The following CDKAL1 variants were observed in gnomAD, a reference collection of about 807,000 sequenced individuals.
The protein encoded by CDKAL1 is threonylcarbamoyladenosine tRNA methylthiotransferase.
A neutral mutation model predicts 68.2 loss-of-function variants in CDKAL1; 32 were observed. The ratio of observed to expected loss-of-function variants is 0.47; its 90% CI spans 0.35 to 0.63. CDKAL1 has a LOEUF of 0.63. Ranked by LOEUF, CDKAL1 falls within the 30% of genes least tolerant of loss-of-function variation. The pLI, the probability that CDKAL1 is intolerant of heterozygous loss-of-function variation, is 0.00. For missense variants in CDKAL1, 606 were observed against 696.7 expected (o/e 0.87, Z 1.47); for synonymous variants, 234 against 244.3 (o/e 0.96, Z 0.39).
chr6:20,839,373 A>G (rs1778084916), intron 8 of CDKAL1, among the ~76,000 whole-genome samples: 1 of 152,208 alleles, frequency 6.6e-6, no homozygotes, highest in African/African-American at 2.4e-5. Context: ...ATAGTACAAG[A>G]TAGTTTAACT....
intron 9 of CDKAL1, among the ~76,000 whole-genome samples, chr6:20,872,301 T>C (rs1348906828): frequency 6.6e-6 from 1 of 152,216 alleles, no homozygotes; most frequent in Non-Finnish European, 1.5e-5. Flanking sequence ...TTCCTGATTA[T>C]CTCTTTTAAA....
At chr6:21,066,065 A>G (rs966783446) in intron 12 of CDKAL1, among the ~76,000 whole-genome samples, 1 of 151,858 alleles carries the variant, frequency 6.6e-6, no homozygotes, top group Non-Finnish European at 1.5e-5. Flanking sequence ...AAATGTTTTT[A>G]TGAATAAATA....
intron 9 of CDKAL1, among the ~76,000 whole-genome samples, chr6:20,940,898 G>A (rs1763939255): frequency 6.6e-6 from 1 of 152,048 alleles, no homozygotes; most frequent in South Asian, 2.1e-4. Flanking sequence ...AGACCATCCT[G>A]GCTAACACAG....
chr6:20,850,186 A>C (rs1209677866), intron 9 of CDKAL1, among the ~76,000 whole-genome samples: 1 of 152,146 alleles, frequency 6.6e-6, no homozygotes, highest in Non-Finnish European at 1.5e-5. Context: ...GTTACTCTAT[A>C]ATGAAAAACC....
At chr6:21,141,559 C>T (rs1775910262) in intron 13 of CDKAL1, among the ~76,000 whole-genome samples, 1 of 152,200 alleles carries the variant, frequency 6.6e-6, no homozygotes, top group East Asian at 1.9e-4. Context: ...TGACTCAATC[C>T]ATGACATTGT....
chr6:20,819,969 G>A (rs1469900519), intron 8 of CDKAL1, among the ~76,000 whole-genome samples: 4 of 152,158 alleles, frequency 2.6e-5, no homozygotes, highest in African/African-American at 7.2e-5. Context: ...AGTAACCGCA[G>A]CAGCACTACG....
At chr6:20,865,701 T>G (rs187459789) in intron 9 of CDKAL1, among the ~76,000 whole-genome samples, 2 of 152,278 alleles carry the variant, frequency 1.3e-5, no homozygotes, top group African/African-American at 4.8e-5. Flanking sequence ...AATCTGCATT[T>G]CATGTTTTAG....
chr6:20,842,266 A>G (rs1435832212), intron 8 of CDKAL1, among the ~76,000 whole-genome samples: 2 of 152,134 alleles, frequency 1.3e-5, no homozygotes, highest in African/African-American at 2.4e-5. Flanking sequence ...TTTTCTGTGT[A>G]TTATAACAAA....
At chr6:20,786,494 C>CTTTTTTTTTTTTTTTTTTT (rs1197574844) in intron 8 of CDKAL1, among the ~76,000 whole-genome samples, 2 of 80,730 alleles carry the variant, frequency 2.5e-5, no homozygotes, top group African/African-American at 1.0e-4. Context: ...TTTTTCTTAT[C>CTTTTTTTTTTTTTTTTTTT]TTTTTTTTTT....
chr6:20,720,990 C>T (rs985499392), intron 5 of CDKAL1, among the ~76,000 whole-genome samples: 2 of 151,780 alleles, frequency 1.3e-5, no homozygotes, highest in Non-Finnish European at 2.9e-5. Flanking sequence ...ACTTTAAGTT[C>T]TAGGGTACAT....
At chr6:21,209,367 GC>G (rs1275264403) in intron 15 of CDKAL1, among the ~76,000 whole-genome samples, 1 of 152,172 alleles carries the variant, frequency 6.6e-6, no homozygotes, top group Non-Finnish European at 1.5e-5. Flanking sequence ...AAAGAACCAG[GC>G]CCCCGAGCCT....
At chr6:20,696,814 C>T (rs1195901947) in intron 5 of CDKAL1, among the ~76,000 whole-genome samples, 3 of 151,994 alleles carry the variant, frequency 2.0e-5, no homozygotes, top group Non-Finnish European at 4.4e-5. Flanking sequence ...CATTTCTTTC[C>T]AGCTTTCCCC....
At chr6:20,827,659 C>G (rs767540700) in intron 8 of CDKAL1, among the ~76,000 whole-genome samples, 1 of 151,932 alleles carries the variant, frequency 6.6e-6, no homozygotes, top group African/African-American at 2.4e-5. Context: ...GTGGTTCTGC[C>G]TTTTTTAGCA....
chr6:20,718,410 C>G (rs1214729240), intron 5 of CDKAL1, among the ~76,000 whole-genome samples: 1 of 152,136 alleles, frequency 6.6e-6, no homozygotes, highest in Non-Finnish European at 1.5e-5. Flanking sequence ...CCCTTAAACT[C>G]TTGTTTTTCA....
At chr6:20,860,052 T>C (rs1018459625) in intron 9 of CDKAL1, among the ~76,000 whole-genome samples, 2 of 152,320 alleles carry the variant, frequency 1.3e-5, no homozygotes, top group African/African-American at 4.8e-5. Context: ...ACTCTGTTTA[T>C]TTGTTTCAAA....
chr6:20,621,133 T>C (rs1581839093), intron 4 of CDKAL1, among the ~76,000 whole-genome samples: 1 of 152,196 alleles, frequency 6.6e-6, no homozygotes. Flanking sequence ...TGTTACTGAT[T>C]ACCTTGAGAT....
chr6:21,064,822 AAG>A (rs1490354124), intron 11 of CDKAL1, among the ~76,000 whole-genome samples: 19 of 152,354 alleles, frequency 1.2e-4, no homozygotes, highest in African/African-American at 4.6e-4. Flanking sequence ...GGAAAGAACA[AAG>A]AACCATTTAA....
At chr6:20,747,079 T>C (rs1307754272) in intron 6 of CDKAL1, among the ~76,000 whole-genome samples, 3 of 152,182 alleles carry the variant, frequency 2.0e-5, no homozygotes, top group Non-Finnish European at 4.4e-5. Flanking sequence ...TTACACACAA[T>C]TGAAATCATG....
intron 10 of CDKAL1, among the ~76,000 whole-genome samples, chr6:20,961,623 C>T (rs982474352): frequency 2.0e-5 from 3 of 151,920 alleles, no homozygotes; most frequent in Non-Finnish European, 4.4e-5. Context: ...AAAAATTAGC[C>T]GGGTGTGGTG....
Sources: allele counts gnomAD v4.1 joint callset (sites outside exome capture counted in the v4.1 genomes callset), GRCh38; gene constraint gnomAD v4.1.1; transcripts MANE v1.5; gene names NCBI Gene and HGNC (gene_info 2026-07-23, HGNC 2026-07-21).